Variants in KLHL1 observed in about 807,000 individuals in gnomAD.
KLHL1 encodes the protein kelch like family member 1.
A neutral mutation model predicts 77.7 loss-of-function variants in KLHL1; 47 were observed. The ratio of observed to expected loss-of-function variants is 0.60; its 90% CI spans 0.48 to 0.77. The LOEUF (loss-of-function observed/expected upper bound fraction) is 0.77, where lower values mean the gene tolerates loss of function less well. Among genes scored for constraint, KLHL1 ranks in the 30% least tolerant of loss-of-function variants. The pLI, the probability that KLHL1 is intolerant of heterozygous loss-of-function variation, is 0.00. For synonymous variants in KLHL1, 360 were observed against 325.2 expected (o/e 1.11, Z -1.15); for missense variants, 925 against 910.8 (o/e 1.02, Z -0.20).
chr13:69,872,095 G>T (rs1258352017), intron 5 of KLHL1, among the ~76,000 whole-genome samples: 2 of 152,126 alleles, frequency 1.3e-5, no homozygotes, highest in Non-Finnish European at 2.9e-5. Context: ...AAGTTCATTT[G>T]TCTTACAGCT....
chr13:69,908,145 T>C (rs910679293), intron 4 of KLHL1, among the ~76,000 whole-genome samples: 2 of 151,932 alleles, frequency 1.3e-5, no homozygotes, highest in African/African-American at 4.8e-5. Context: ...GTGTAGCTTG[T>C]AAATAATTGT....
chr13:70,078,246 T>C (rs754332976), intron 1 of KLHL1, among the ~76,000 whole-genome samples: 10 of 151,884 alleles, frequency 6.6e-5, no homozygotes, highest in Non-Finnish European at 1.3e-4. Context: ...CCAACCACCT[T>C]CTTATTACAA....
intron 4 of KLHL1, among the ~76,000 whole-genome samples, chr13:69,936,104 A>C (rs1334419933): frequency 6.6e-6 from 1 of 152,232 alleles, no homozygotes; most frequent in Non-Finnish European, 1.5e-5. Context: ...GGCATGAATG[A>C]ACTTGAACTA....
At chr13:70,081,566 G>C (rs554326953) in intron 1 of KLHL1, among the ~76,000 whole-genome samples, 1 of 152,194 alleles carries the variant, frequency 6.6e-6, no homozygotes, top group East Asian at 1.9e-4. Flanking sequence ...ATGCCATGGA[G>C]ATCTCTCCGT....
intron 8 of KLHL1, among the ~76,000 whole-genome samples, chr13:69,728,875 C>A (rs1479420798): frequency 1.3e-5 from 2 of 151,888 alleles, no homozygotes; most frequent in Non-Finnish European, 1.5e-5. Context: ...CATAGTAAAT[C>A]ATGAAAGAAA....
intron 7 of KLHL1, among the ~76,000 whole-genome samples, chr13:69,779,112 A>T (rs866257360): frequency 3.3e-5 from 5 of 152,032 alleles, no homozygotes; most frequent in Non-Finnish European, 5.9e-5. Context: ...ATTCTTTCTT[A>T]TTCTTCTTTT....
At chr13:69,963,023 CACTTT>C (rs1466706247) in intron 2 of KLHL1, among the ~76,000 whole-genome samples, 2 of 152,032 alleles carry the variant, frequency 1.3e-5, no homozygotes. Context: ...AAGTTTTTTT[CACTTT>C]ACTTAGAGCC....
At chr13:69,930,614 TTAAC>T (rs1292996165) in intron 4 of KLHL1, among the ~76,000 whole-genome samples, 5 of 151,848 alleles carry the variant, frequency 3.3e-5, no homozygotes, top group Non-Finnish European at 7.4e-5. Flanking sequence ...CAAAGCAAAC[TTAAC>T]TAATAAAGGC....
Position 69,717,704 on chromosome 13 carries a change from C to T in KLHL1, c.2015+1665G>A, listed in dbSNP as rs1180489142. 2.6e-5 allele frequency among the ~76,000 whole-genome samples: 4 copies of T among 152,054 alleles called. No individual in the cohort carries two copies. The East Asian group carries it at 7.7e-4, about 29-fold the overall frequency. ...GCTCATCATATTCATCTCTTCTCTT[C>T]GTTTACTCAAGAATTTAGCAGAGAA... On this transcript the variant is annotated intron_variant, in intron 9 of 10. Transcript: ENST00000377844.
At chr13:69,926,300 G>C (rs767653289) in intron 4 of KLHL1, among the ~76,000 whole-genome samples, 18 of 151,992 alleles carry the variant, frequency 1.2e-4, no homozygotes, top group Non-Finnish European at 2.4e-4. Flanking sequence ...TATAGCTTAA[G>C]TTATTTAAAA....
intron 7 of KLHL1, among the ~76,000 whole-genome samples, chr13:69,759,397 C>A (rs1874912566): frequency 1.3e-5 from 2 of 152,098 alleles, no homozygotes. Flanking sequence ...ACTGCATAAA[C>A]CTGTCTAACC....
chr13:70,019,870 G>A (rs889373467), intron 1 of KLHL1, among the ~76,000 whole-genome samples: 1 of 152,098 alleles, frequency 6.6e-6, no homozygotes, highest in Non-Finnish European at 1.5e-5. Flanking sequence ...ATGGCTTTTG[G>A]GAGGTGTTTA....
In KLHL1 at chr13:70,107,228, CCTGGCTAGAGTTGT is replaced by C; in HGVS notation, c.458_471del (p.Asp153GlyfsTer4). ...CTGTGTCCACATCCTTCACCTGTTGCCTGGCTAGAGTTGTCTGGCTCCACTTTGAGCTCTTGCAG... is the reference window on the plus strand; with the variant it reads ...CTGTGTCCACATCCTTCACCTGTTGCCTGGCTCCACTTTGAGCTCTTGCAG... On this transcript the variant is annotated frameshift_variant, in exon 1 of 11. Transcript: ENST00000377844. LOFTEE classifies it high-confidence loss of function. 1 of 1,612,468 alleles carries C rather than the reference CCTGGCTAGAGTTGT, an allele frequency of 6.2e-7. No homozygotes were observed. Among genetic ancestry groups the C allele is most frequent in the Non-Finnish European group, 8.5e-7 (1 of 1,179,140 alleles).
At chr13:69,881,121 T>G (rs747510662) in intron 5 of KLHL1, among the ~76,000 whole-genome samples, 1 of 152,208 alleles carries the variant, frequency 6.6e-6, no homozygotes, top group Non-Finnish European at 1.5e-5. Context: ...GTTGTTATGA[T>G]GTGCTCACAT....
At chr13:69,776,243 C>T (rs1354450087) in intron 7 of KLHL1, among the ~76,000 whole-genome samples, 1 of 152,124 alleles carries the variant, frequency 6.6e-6, no homozygotes. Flanking sequence ...CCCCTAGGCT[C>T]ATTTAGCTTA....
Position 69,882,385 on chromosome 13 carries a change from G to T in KLHL1, c.1125C>A (p.Ile375=). Residue 375 remains isoleucine, a synonymous_variant, in exon 5 of 11, where the codon ATC becomes ATA. Coordinates refer to ENST00000377844, the MANE Select transcript of KLHL1 (RefSeq NM_020866.3). ...TGACCCACATCATCAATGCATGGAAGATGGTTTCTTCATCAGGAACATTGA... is the reference window on the plus strand; with the variant it reads ...TGACCCACATCATCAATGCATGGAATATGGTTTCTTCATCAGGAACATTGA... ...DDVNVPDEET[I]FHALMMWVKY... 6.2e-7 allele frequency: 1 copy of T among 1,613,468 alleles called. No homozygotes were observed. Among genetic ancestry groups the T allele is most frequent in the Non-Finnish European group, 8.5e-7 (1 of 1,179,412 alleles).
At chr13:70,006,288 A>G (rs1313693324) in intron 1 of KLHL1, among the ~76,000 whole-genome samples, 1 of 152,094 alleles carries the variant, frequency 6.6e-6, no homozygotes, top group East Asian at 1.9e-4. Flanking sequence ...GGTTAATCTC[A>G]TAGCTTATTC....
intron 7 of KLHL1, among the ~76,000 whole-genome samples, chr13:69,753,717 T>C (rs529735540): frequency 4.1e-4 from 63 of 152,322 alleles, no homozygotes; most frequent in African/African-American, 1.4e-3. Context: ...GCAATTGTCC[T>C]ACTTGAAGAT....
intron 6 of KLHL1, among the ~76,000 whole-genome samples, chr13:69,805,395 G>C (rs7319892): frequency 0.048 from 7,297 of 151,812 alleles, 327 homozygotes; most frequent in African/African-American, 0.12. Context: ...TCTACTTCTT[G>C]GCTCATAACC....
Sources: gnomAD v4.1 joint callset for allele counts (sites outside exome capture counted in the v4.1 genomes callset) on GRCh38, gnomAD v4.1.1 for gene constraint, MANE v1.5 for transcripts, NCBI Gene and HGNC (gene_info 2026-07-23, HGNC 2026-07-21) for gene names.